The following RDH13 variants were observed in gnomAD, a reference collection of about 807,000 sequenced individuals.
RDH13 encodes retinol dehydrogenase 13.
A neutral mutation model predicts 28.3 loss-of-function variants in RDH13; 35 were observed. That is an observed-to-expected ratio of 1.24 (90% CI 0.95 to 1.64). The LOEUF (loss-of-function observed/expected upper bound fraction) is 1.64. Among genes scored for constraint, RDH13 ranks in the 40% most tolerant of loss-of-function variants. The pLI is 0.00. For missense variants in RDH13, 514 were observed against 446.3 expected (o/e 1.15, Z -1.37); for synonymous variants, 229 against 198.5 (o/e 1.15, Z -1.29).
In RDH13 at chr19:55,049,004, C is replaced by T. The variant is rs574371616; in HGVS notation, c.341-241G>A. Among the ~76,000 whole-genome samples, 178 of 152,234 alleles carry T rather than the reference C, an allele frequency of 1.2e-3. 3 individuals carry two copies. The highest frequency in any genetic ancestry group is 3.8e-3 in the Admixed American group (58 of 15,280). ...ACATGGGGAGAAGGCCATGTGTGGACAGAGGCAAAGACCGGAGAGGCACAG... is the reference window on the plus strand; with the variant it reads ...ACATGGGGAGAAGGCCATGTGTGGATAGAGGCAAAGACCGGAGAGGCACAG... On this transcript the variant is annotated intron_variant, in intron 3 of 6. Transcript: ENST00000415061.
chr19:55,058,629 C>T (rs1301622905), intron 2 of RDH13, among the ~76,000 whole-genome samples: 1 of 152,092 alleles, frequency 6.6e-6, no homozygotes, highest in Non-Finnish European at 1.5e-5. Context: ...TGGCTTATTT[C>T]ACTTCATGGA....
rs1005062338 is a variant in RDH13, at chr19:55,060,531, C to A, written c.66-1256G>T. ...TAATAATCAGTAAAAACTGAGGGAA[C>A]TCAGAGGCCGGTGCCGGTGCAGGTC... On this transcript the variant is annotated intron_variant, in intron 1 of 6. Coordinates refer to ENST00000415061, the MANE Select transcript of RDH13 (RefSeq NM_001145971.2). Among the ~76,000 whole-genome samples, 85 of 152,330 alleles carry A rather than the reference C, an allele frequency of 5.6e-4. 1 individual carries two copies. Among genetic ancestry groups the A allele is most frequent in the Non-Finnish European group, 3.1e-4 (21 of 68,042 alleles).
At chr19:55,056,583 C>G (rs2075640876) in intron 3 of RDH13, 70 bp downstream of exon 3, 2 of 1,551,058 alleles carry the variant, frequency 1.3e-6, no homozygotes, top group Non-Finnish European at 1.8e-6. Context: ...TTGCTTCATT[C>G]ACTTCTCAGA....
rs2075271155 is a variant in RDH13 at position 55,047,376 on chromosome 19, A to AG, written c.760+10dup. 1.2e-6 allele frequency: 2 copies of AG among 1,610,062 alleles called. No homozygotes were observed. Among genetic ancestry groups the AG allele is most frequent in the African/African-American group, 2.7e-5 (2 of 75,010 alleles). On this transcript the variant is annotated intron_variant, in intron 6 of 6. Transcript: ENST00000415061. Reference sequence around the variant, plus strand: ...CTCCACGTGGAGACCCCAGGCTGGGAGGGGACTCACCGAGTGTGGTGCTGG... The same window carrying AG: ...CTCCACGTGGAGACCCCAGGCTGGGAGGGGGACTCACCGAGTGTGGTGCTGG...
chr19:55,058,817 A>G (rs1264570879), intron 2 of RDH13, among the ~76,000 whole-genome samples: 2 of 152,128 alleles, frequency 1.3e-5, no homozygotes, highest in Non-Finnish European at 2.9e-5. Context: ...AGCAGCTGGG[A>G]CTACAGGTGC....
At chr19:55,048,995 ATG>A (rs1448172170) in intron 3 of RDH13, among the ~76,000 whole-genome samples, 2 of 152,156 alleles carry the variant, frequency 1.3e-5, no homozygotes, top group Non-Finnish European at 2.9e-5. Flanking sequence ...GGAGAAGGCC[ATG>A]TGTGGACAGA....
chr19:55,063,608 C>A, upstream of RDH13: 1 of 152,544 alleles, frequency 6.6e-6, no homozygotes, highest in South Asian at 1.8e-4. Context: ...ACTCCTGGGT[C>A]TGAGGGAGGA....
chr19:55,058,351 G>A (rs887390863), intron 2 of RDH13, among the ~76,000 whole-genome samples: 1 of 150,800 alleles, frequency 6.6e-6, no homozygotes, highest in African/African-American at 2.4e-5. Flanking sequence ...TCATGCCACT[G>A]CACTCCAGCC....
downstream of RDH13, among the ~76,000 whole-genome samples, chr19:55,039,992 T>G (rs1051551085): frequency 6.6e-6 from 1 of 152,160 alleles, no homozygotes; most frequent in African/African-American, 2.4e-5. Context: ...GTCAAATTCA[T>G]AGAGACAGGG....
chr19:55,064,955 T>TA (rs899143948), upstream of RDH13, among the ~76,000 whole-genome samples: 168 of 141,504 alleles, frequency 1.2e-3, 1 homozygote, highest in South Asian at 2.5e-3. Context: ...TTTTGCAAAA[T>TA]AAAAAAAAGA....
At chr19:55,040,164 T>G (rs1456083875), downstream of RDH13, 2 of 152,140 alleles carry the variant, frequency 1.3e-5, no homozygotes, top group African/African-American at 4.8e-5. Flanking sequence ...TGTTTTTTGT[T>G]TTTTGGTTTT....
intron 2 of RDH13, among the ~76,000 whole-genome samples, chr19:55,057,813 A>AT (rs35480304): frequency 0.56 from 79,479 of 141,974 alleles, 22,149 homozygotes; most frequent in East Asian, 0.77. Flanking sequence ...GTTTATTATT[A>AT]TTTTTTTTTT....
At chr19:55,066,515 C>T (rs1161737114), upstream of RDH13, among the ~76,000 whole-genome samples, 4 of 120,262 alleles carry the variant, frequency 3.3e-5, no homozygotes, top group East Asian at 7.9e-4. Flanking sequence ...CTCTCTCTCA[C>T]ATCTCTCTTT....
chr19:55,054,731 G>T (rs1477598463), intron 3 of RDH13, among the ~76,000 whole-genome samples: 1 of 103,596 alleles, frequency 9.7e-6, no homozygotes, highest in Non-Finnish European at 2.0e-5. Flanking sequence ...AGGATGCCCG[G>T]CTAATTTTTT....
At chr19:55,062,226 C>G (rs1043828742) in intron 1 of RDH13, among the ~76,000 whole-genome samples, 3 of 151,434 alleles carry the variant, frequency 2.0e-5, no homozygotes, top group South Asian at 2.1e-4. Context: ...TACGGAGTCA[C>G]GACTCTGCCC....
chr19:55,059,243 T>A lies in RDH13; in HGVS notation c.98A>T (p.Lys33Met). The change falls in exon 2 of 7, where the codon AAG (lysine) becomes ATG (methionine). Residue 33 changes from lysine (K) to methionine (M), a missense_variant. Coordinates refer to ENST00000415061, the MANE Select transcript of RDH13 (RefSeq NM_001145971.2). ...GACCGTCTTCCCAGGGATGGTGGCC[T>A]TGCTGGGGCAAGCCCCACCGGTGAC... ...DYVTGGACPS[K>M]ATIPGKTVIV... The A allele has an allele frequency of 6.2e-7, 1 of 1,604,130 alleles. No homozygotes were observed. The highest frequency in any genetic ancestry group is 8.5e-7 in the Non-Finnish European group (1 of 1,175,488).
intron 1 of RDH13, 90 bp from the exon 2 acceptor site, chr19:55,059,365 G>A: frequency 1.3e-6 from 1 of 790,948 alleles, no homozygotes; most frequent in South Asian, 1.6e-5. Context: ...CCTTGTCTGA[G>A]CTCACTCACA....
rs761656707 is a variant in RDH13 at position 55,048,531 on chromosome 19, G to C, written c.456C>G (p.Leu152=). 1.2e-6 allele frequency: 2 copies of C among 1,614,190 alleles called. No homozygotes were observed. Among genetic ancestry groups the C allele is most frequent in the Non-Finnish European group, 1.7e-6 (2 of 1,180,028 alleles). The change falls in exon 5 of 7, where the codon CTC becomes CTG. Residue 152 remains leucine, a synonymous_variant. Transcript: ENST00000415061. ...QFGVNHLGHF[L]LTNLLLDKLK... ...GCTTGTCCAGCAGCAAGTTTGTCAAGAGAAAGTGACCTGGATTAAGGATGA... is the reference window on the plus strand; with the variant it reads ...GCTTGTCCAGCAGCAAGTTTGTCAACAGAAAGTGACCTGGATTAAGGATGA...
At chr19:55,058,426 T>G (rs546597998) in intron 2 of RDH13, among the ~76,000 whole-genome samples, 1 of 152,106 alleles carries the variant, frequency 6.6e-6, no homozygotes, top group African/African-American at 2.4e-5. Context: ...CCTAATGTTG[T>G]GCAACCATTA....
Sources: gnomAD v4.1 joint callset for allele counts (sites outside exome capture counted in the v4.1 genomes callset) on GRCh38, gnomAD v4.1.1 for gene constraint, MANE v1.5 for transcripts, NCBI Gene and HGNC (gene_info 2026-07-23, HGNC 2026-07-21) for gene names.